The following LCOR variants were observed in gnomAD, a reference collection of about 807,000 sequenced individuals.
LCOR encodes the protein ligand-dependent corepressor.
A neutral mutation model predicts 64.4 loss-of-function variants in LCOR; 14 were observed. The ratio of observed to expected loss-of-function variants is 0.22; its 90% CI spans 0.14 to 0.34. The LOEUF (loss-of-function observed/expected upper bound fraction) is 0.34. LCOR is among the 10% of genes least tolerant of loss of function. The pLI is 1.00. For missense variants in LCOR, 1,686 were observed against 1,765.3 expected, an observed-to-expected ratio of 0.96 and a Z score of 0.80; for synonymous variants, 643 against 642.5, an observed-to-expected ratio of 1.00 and a Z score of -0.01.
At chr10:96,929,103 G>C (rs1847214656) in intron 4 of LCOR, among the ~76,000 whole-genome samples, 1 of 152,166 alleles carries the variant, frequency 6.6e-6, no homozygotes, top group African/African-American at 2.4e-5. Flanking sequence ...CTCGAATTTG[G>C]GGAATCGTAA....
At chr10:96,918,240 T>A (rs1282176553) in intron 4 of LCOR, among the ~76,000 whole-genome samples, 2 of 152,174 alleles carry the variant, frequency 1.3e-5, no homozygotes, top group Non-Finnish European at 2.9e-5. Context: ...GGCCCCATAC[T>A]CTATAATGAC....
At chr10:96,959,939 T>G (rs772992091) in intron 7 of LCOR, 1 of 152,170 alleles carries the variant, frequency 6.6e-6, no homozygotes, top group Non-Finnish European at 1.5e-5. Context: ...TCGAAGTGCT[T>G]TTAGAACTCT....
chr10:96,972,716 T>G (rs1848008947), intron 7 of LCOR, among the ~76,000 whole-genome samples: 1 of 152,224 alleles, frequency 6.6e-6, no homozygotes, highest in Non-Finnish European at 1.5e-5. Flanking sequence ...ACTCTGTCCC[T>G]TATCTAGGGA....
intron 6 of LCOR, among the ~76,000 whole-genome samples, chr10:96,951,088 TG>T (rs1195501268): frequency 6.6e-6 from 1 of 152,078 alleles, no homozygotes; most frequent in Non-Finnish European, 1.5e-5. Context: ...TACTCTGGGG[TG>T]ATTTTTAACA....
At chr10:96,974,390 G>A (rs974318354) in intron 7 of LCOR, among the ~76,000 whole-genome samples, 4 of 152,182 alleles carry the variant, frequency 2.6e-5, no homozygotes, top group African/African-American at 7.2e-5. Context: ...TCTGATTAAC[G>A]AATAATTCAC....
chr10:96,859,087 C>T (rs1271018777), intron 2 of LCOR, among the ~76,000 whole-genome samples: 2 of 151,914 alleles, frequency 1.3e-5, no homozygotes, highest in Non-Finnish European at 2.9e-5. Context: ...TTTATGAACT[C>T]GGAAGTTCAG....
chr10:96,916,616 T>TATATATAA (rs1846954061), intron 4 of LCOR, among the ~76,000 whole-genome samples: 2 of 148,772 alleles, frequency 1.3e-5, no homozygotes, highest in African/African-American at 5.0e-5. Context: ...TCTATATATA[T>TATATATAA]GATTATTTAT....
At chr10:96,946,736 G>A (rs1847595761) in intron 5 of LCOR, among the ~76,000 whole-genome samples, 1 of 152,072 alleles carries the variant, frequency 6.6e-6, no homozygotes, top group Non-Finnish European at 1.5e-5. Context: ...TCTCATGACT[G>A]TGTTTTCATT....
intron 4 of LCOR, among the ~76,000 whole-genome samples, chr10:96,933,112 A>T (rs1381354829): frequency 6.6e-6 from 1 of 152,246 alleles, no homozygotes; most frequent in Non-Finnish European, 1.5e-5. Context: ...GAGGATAAGT[A>T]AAATGATCTT....
In LCOR at chr10:96,984,159, G is replaced by C; in HGVS notation, c.3699G>C (p.Glu1233Asp). ...TATATCCCAGTTCACTACAGGCTGA[G>C]CGCTTGAAAAAGCACTTGAAGAAAT... ...SSLYPSSLQA[E>D]RLKKHLKKFP... Residue 1233 changes from glutamate (E) to aspartate (D), a missense_variant, in exon 8 of 8, where the codon GAG becomes GAC. This residue lies in a region of LCOR where 1,293 missense variants were observed against 1,410.4 expected (regional missense o/e 0.92). Coordinates refer to ENST00000421806, the MANE Select transcript of LCOR (RefSeq NM_001346516.2). 6.2e-7 allele frequency: 1 copy of C among 1,614,128 alleles called. No individual in the cohort carries two copies. Among genetic ancestry groups the C allele is most frequent in the South Asian group, 1.1e-5 (1 of 91,078 alleles).
chr10:96,947,713 ACTTACT>A (rs1366410883), intron 5 of LCOR, among the ~76,000 whole-genome samples: 1 of 151,728 alleles, frequency 6.6e-6, no homozygotes, highest in Non-Finnish European at 1.5e-5. Context: ...TGTAGTGGCC[ACTTACT>A]CTTTTGATCA....
At chr10:96,885,399 T>A (rs537844259) in intron 2 of LCOR, among the ~76,000 whole-genome samples, 1 of 152,216 alleles carries the variant, frequency 6.6e-6, no homozygotes, top group East Asian at 1.9e-4. Context: ...TTCGTTTTTT[T>A]GAGACAGGCT....
At chr10:96,860,459 A>T (rs1845869885) in intron 2 of LCOR, among the ~76,000 whole-genome samples, 1 of 152,174 alleles carries the variant, frequency 6.6e-6, no homozygotes, top group African/African-American at 2.4e-5. Flanking sequence ...GGAAGCTAGG[A>T]AGAAACAAGG....
chr10:96,891,162 G>GT (rs1204134213), intron 2 of LCOR, among the ~76,000 whole-genome samples: 6 of 151,652 alleles, frequency 4.0e-5, no homozygotes, highest in South Asian at 2.1e-4. Context: ...TGGTCCTGGG[G>GT]TTTTTTTTGT....
At chr10:96,950,086 C>T (rs995175784) in intron 6 of LCOR, among the ~76,000 whole-genome samples, 1 of 152,040 alleles carries the variant, frequency 6.6e-6, no homozygotes, top group Non-Finnish European at 1.5e-5. Context: ...TGAACCACTA[C>T]GAATTGTAAA....
At chr10:96,924,732 T>C (rs570202693) in intron 4 of LCOR, among the ~76,000 whole-genome samples, 1 of 152,164 alleles carries the variant, frequency 6.6e-6, no homozygotes, top group East Asian at 1.9e-4. Flanking sequence ...TTGAGCCATA[T>C]GAAAATAAGT....
At chr10:96,859,432 G>A (rs1407496826) in intron 2 of LCOR, among the ~76,000 whole-genome samples, 1 of 151,564 alleles carries the variant, frequency 6.6e-6, no homozygotes, top group Non-Finnish European at 1.5e-5. Flanking sequence ...GGCTGGTCTC[G>A]AACTCTTGAC....
rs866067976 is a variant in LCOR, at chr10:96,832,654, G to A, written c.-404+255G>A. Among the ~76,000 whole-genome samples the A allele has an allele frequency of 2.7e-3, 405 of 150,142 alleles. 1 individual carries two copies. The highest frequency in any genetic ancestry group is 8.6e-3 in the African/African-American group (352 of 41,078). ...GGGGCTGGCTCTCGGCGGGAGCGCG[G>A]GTTCCTCCCCCTCCCGCTCTCCATC... On this transcript the variant is annotated intron_variant, in intron 1 of 7. Transcript: ENST00000421806.
Position 96,989,295 on chromosome 10 carries a change from A to G in LCOR, c.*4161A>G, listed in dbSNP as rs1024705911. ...GTGGCCTGGGCCTCTCATTTCACTC[A>G]CACAGAACTGACTCTGGCTTTATTT... On this transcript the variant is annotated 3_prime_UTR_variant, in exon 8 of 8. Coordinates refer to ENST00000421806, the MANE Select transcript of LCOR (RefSeq NM_001346516.2). 5 of 152,230 alleles carry G rather than the reference A, an allele frequency of 3.3e-5. No homozygotes were observed. The highest frequency in any genetic ancestry group is 4.4e-5 in the Non-Finnish European group (3 of 68,040). The allele number at this position is 152,230 out of a possible 1,614,324, so 9.4% of individuals were successfully genotyped here. A position where few individuals can be genotyped will look rare whatever the true frequency, so the allele number is the denominator to read the frequency against.
Sources: allele counts gnomAD v4.1 joint callset (sites outside exome capture counted in the v4.1 genomes callset), GRCh38; gene constraint gnomAD v4.1.1; regional missense constraint gnomAD v4.1.1; transcripts MANE v1.5; gene names NCBI Gene and HGNC (gene_info 2026-07-23, HGNC 2026-07-21).